Variants in CYRIB observed in about 807,000 individuals in gnomAD.
CYRIB encodes the protein CYFIP-related Rac1 interactor B.
CYRIB carries 8 observed loss-of-function variants against 44.2 expected under a neutral mutation model. The ratio of observed to expected loss-of-function variants is 0.18; its 90% CI spans 0.11 to 0.33. The LOEUF is 0.33. Among genes scored for constraint, CYRIB ranks in the 10% least tolerant of loss-of-function variants. The pLI, the probability that CYRIB is intolerant of heterozygous loss-of-function variation, is 1.00. For synonymous variants in CYRIB, 131 were observed against 127.2 expected (o/e 1.03, Z -0.20); for missense variants, 185 against 382.8 (o/e 0.48, Z 4.31).
chr8:129,990,524 A>G (rs143709283), intron 1 of CYRIB, among the ~76,000 whole-genome samples: 2,061 of 146,604 alleles, frequency 0.014, 29 homozygotes, highest in African/African-American at 0.043. Flanking sequence ...GTGTGTGTGT[A>G]TATATTTTTT....
intron 5 of CYRIB, among the ~76,000 whole-genome samples, chr8:129,856,565 A>C (rs2046310230): frequency 6.6e-6 from 1 of 152,202 alleles, no homozygotes; most frequent in African/African-American, 2.4e-5. Context: ...TACAGAGTTA[A>C]ACTATGATCT....
At chr8:129,943,592 CT>C (rs1172470025), upstream of CYRIB, among the ~76,000 whole-genome samples, 944 of 96,214 alleles carry the variant, frequency 9.8e-3, 9 homozygotes, top group Admixed American at 0.034. Flanking sequence ...GAGACTCCAT[CT>C]TTTTTTTTTT....
chr8:129,988,274 C>T (rs146235100), intron 1 of CYRIB, among the ~76,000 whole-genome samples: 22 of 152,300 alleles, frequency 1.4e-4, no homozygotes, highest in African/African-American at 4.8e-4. Context: ...CTTCCTGATT[C>T]CGCTATCTTG....
At chr8:129,949,518 C>T (rs17279118) in intron 2 of CYRIB, 9,601 of 152,276 alleles carry the variant, frequency 0.063, 420 homozygotes, top group South Asian at 0.11. Flanking sequence ...TTCTCCAGCC[C>T]GTTTTCCTTT....
At chr8:129,926,281 C>T (rs890872845) in intron 1 of CYRIB, among the ~76,000 whole-genome samples, 2 of 152,180 alleles carry the variant, frequency 1.3e-5, no homozygotes, top group East Asian at 1.9e-4. Context: ...TTTTTAAAAC[C>T]TTGTACAATA....
upstream of CYRIB, among the ~76,000 whole-genome samples, chr8:129,940,248 T>TC (rs970842699): frequency 2.0e-5 from 3 of 151,322 alleles, no homozygotes; most frequent in Non-Finnish European, 4.4e-5. Flanking sequence ...GTTGCCATAT[T>TC]CCCCCCACGC....
At chr8:129,963,230 C>T (rs868121432) in intron 2 of CYRIB, among the ~76,000 whole-genome samples, 2 of 152,334 alleles carry the variant, frequency 1.3e-5, no homozygotes, top group Middle Eastern at 6.8e-3. Flanking sequence ...GCCTTGGATC[C>T]TCCAGGCCTT....
At chr8:129,928,224 AGTT>A (rs1402134603) in intron 1 of CYRIB, among the ~76,000 whole-genome samples, 1 of 151,502 alleles carries the variant, frequency 6.6e-6, no homozygotes, top group South Asian at 2.1e-4. Context: ...CTGTAGCATC[AGTT>A]ATTAAGGAGG....
At chr8:129,952,704 G>C (rs1465467129) in intron 2 of CYRIB, among the ~76,000 whole-genome samples, 1 of 152,150 alleles carries the variant, frequency 6.6e-6, no homozygotes. Flanking sequence ...AGAAAATAAG[G>C]AAAGATAGGA....
intron 2 of CYRIB, among the ~76,000 whole-genome samples, chr8:129,887,649 A>C (rs2063323133): frequency 6.6e-6 from 1 of 152,224 alleles, no homozygotes; most frequent in African/African-American, 2.4e-5. Context: ...GCAGAGCAAG[A>C]GGGGCAGAGC....
chr8:129,889,843 T>C (rs2064387715), intron 2 of CYRIB, among the ~76,000 whole-genome samples: 1 of 152,062 alleles, frequency 6.6e-6, no homozygotes, highest in Non-Finnish European at 1.5e-5. Flanking sequence ...CTTGTCATCT[T>C]GGCTCACTGC....
At chr8:129,920,261 T>TC (rs960949210) in intron 1 of CYRIB, among the ~76,000 whole-genome samples, 3 of 152,124 alleles carry the variant, frequency 2.0e-5, no homozygotes, top group African/African-American at 7.2e-5. Flanking sequence ...ACCTTACATG[T>TC]CTTATGAGCT....
At chr8:129,920,824 T>C (rs1385630070) in intron 1 of CYRIB, among the ~76,000 whole-genome samples, 1 of 152,190 alleles carries the variant, frequency 6.6e-6, no homozygotes, top group Non-Finnish European at 1.5e-5. Context: ...TTACGTATTC[T>C]AGATTTCACT....
At chr8:129,960,649 GAAAA>G (rs746019281) in intron 2 of CYRIB, among the ~76,000 whole-genome samples, 1 of 29,038 alleles carries the variant, frequency 3.4e-5, no homozygotes. Flanking sequence ...TCTGTCTCAA[GAAAA>G]AAAAAAAAAA....
intron 2 of CYRIB, chr8:129,902,990 T>A (rs1444643476): frequency 6.6e-6 from 1 of 152,520 alleles, no homozygotes; most frequent in African/African-American, 2.4e-5. Flanking sequence ...ATATATACTT[T>A]AAACTACTAA....
chr8:129,872,868 T>C (rs1054103651), intron 3 of CYRIB, among the ~76,000 whole-genome samples: 4 of 152,010 alleles, frequency 2.6e-5, no homozygotes, highest in Non-Finnish European at 5.9e-5. Flanking sequence ...TCACCACAAA[T>C]ACACAATGAT....
intron 10 of CYRIB, 24 bp from the exon 13 acceptor site, chr8:129,846,898 G>T: frequency 2.0e-6 from 3 of 1,470,058 alleles, no homozygotes; most frequent in South Asian, 2.5e-5. Context: ...AAACAGAAAA[G>T]GTAAAACAGC....
intron 1 of CYRIB, among the ~76,000 whole-genome samples, chr8:129,920,181 T>C (rs298601): frequency 0.55 from 83,226 of 151,770 alleles, 23,454 homozygotes; most frequent in African/African-American, 0.68. Context: ...CTTTAAAACA[T>C]GTAAGTCCAG....
At chr8:129,947,081 A>T (rs2094196521) in intron 2 of CYRIB, among the ~76,000 whole-genome samples, 1 of 151,616 alleles carries the variant, frequency 6.6e-6, no homozygotes, top group South Asian at 2.1e-4. Flanking sequence ...TTTTTGAGAC[A>T]GAATCTTGCT....
Sources: allele counts gnomAD v4.1 joint callset (sites outside exome capture counted in the v4.1 genomes callset), GRCh38; gene constraint gnomAD v4.1.1; transcripts MANE v1.5; gene names NCBI Gene and HGNC (gene_info 2026-07-23, HGNC 2026-07-21).